Variants in UPF2 observed in about 807,000 individuals in gnomAD.
The protein encoded by UPF2 is regulator of nonsense transcripts 2.
Under a neutral mutation model 141.4 loss-of-function variants are expected in UPF2, and 17 were observed. That is an observed-to-expected ratio of 0.12 (90% CI 0.08 to 0.18). UPF2 has a LOEUF of 0.18. UPF2 is among the 10% of genes least tolerant of loss of function. The probability of loss-of-function intolerance (pLI) is 1.00; values close to 1 mark genes in which losing one functional copy is unlikely to be tolerated. For synonymous variants in UPF2, 540 were observed against 498.0 expected (o/e 1.08, Z -1.12); for missense variants, 1,152 against 1,515.9 (o/e 0.76, Z 3.99).
intron 16 of UPF2, among the ~76,000 whole-genome samples, chr10:11,943,498 A>C (rs1588530038): frequency 6.6e-6 from 1 of 152,212 alleles, no homozygotes; most frequent in African/African-American, 2.4e-5. Context: ...TGAATGTCTC[A>C]CAGTAGTTCT....
chr10:12,026,561 A>T, intron 3 of UPF2: 1 of 437,620 alleles, frequency 2.3e-6, no homozygotes, highest in Non-Finnish European at 4.5e-6. Flanking sequence ...CATCTGTGGT[A>T]AAGGGCCACC....
chr10:11,969,622 AC>A (rs2131211140), intron 9 of UPF2, among the ~76,000 whole-genome samples: 1 of 152,374 alleles, frequency 6.6e-6, no homozygotes, highest in East Asian at 1.9e-4. Context: ...AGAAAGAAGT[AC>A]AGCCTTCATA....
intron 8 of UPF2, among the ~76,000 whole-genome samples, chr10:11,989,030 TG>T (rs1235632125): frequency 1.2e-4 from 19 of 152,244 alleles, no homozygotes; most frequent in African/African-American, 4.6e-4. Flanking sequence ...GAAATGCACC[TG>T]GAAGTGAAGG....
chr10:12,040,244 A>C (rs954905642), intron 1 of UPF2, among the ~76,000 whole-genome samples: 11 of 152,072 alleles, frequency 7.2e-5, no homozygotes, highest in Admixed American at 5.2e-4. Context: ...CAACATGGTG[A>C]AACCCCATCT....
intron 14 of UPF2, among the ~76,000 whole-genome samples, chr10:11,954,037 G>GAGTT (rs1323824540): frequency 2.0e-5 from 3 of 152,186 alleles, no homozygotes; most frequent in Non-Finnish European, 4.4e-5. Flanking sequence ...ACTTGATAGT[G>GAGTT]AGTTGTTCAC....
Position 11,997,757 on chromosome 10 carries a change from C to T in UPF2, c.1759G>A (p.Ala587Thr), listed in dbSNP as rs1009590312. The change falls in exon 8 of 22, where the codon GCA becomes ACA. Residue 587 changes from alanine to threonine, a missense_variant and splice_region_variant. Around this residue, in one of 4 missense-constraint regions of UPF2, gnomAD observed 739 missense variants for 1,032.2 expected, o/e 0.72. Coordinates refer to ENST00000357604, the MANE Select transcript of UPF2 (RefSeq NM_015542.4). ...NCVNRDLIDKAAMDFCMNMNT... is the reference protein window; with the variant it reads ...NCVNRDLIDKTAMDFCMNMNT... ...ATGTTCATGCAAAAATCCATTGCTGCCTATTGGGAAAAAGTAAACTTTTTC... is the reference window on the plus strand; with the variant it reads ...ATGTTCATGCAAAAATCCATTGCTGTCTATTGGGAAAAAGTAAACTTTTTC... 11 of 1,613,596 alleles carry T rather than the reference C, an allele frequency of 6.8e-6. No individual in the cohort carries two copies. The highest frequency in any genetic ancestry group is 1.7e-5 in the Admixed American group (1 of 60,006).
chr10:12,021,925 C>T (rs1179727379), intron 3 of UPF2, among the ~76,000 whole-genome samples: 7 of 152,092 alleles, frequency 4.6e-5, no homozygotes, highest in Non-Finnish European at 1.0e-4. Context: ...GCGGGCGGAT[C>T]ACTTGAGGTC....
At chr10:11,934,809 T>A (rs540754826) in intron 19 of UPF2, among the ~76,000 whole-genome samples, 2 of 152,106 alleles carry the variant, frequency 1.3e-5, no homozygotes, top group Non-Finnish European at 2.9e-5. Context: ...AGGCTGGTCT[T>A]GAATCCCTGA....
chr10:12,036,624 T>C (rs1289035300), intron 1 of UPF2, among the ~76,000 whole-genome samples: 1 of 152,234 alleles, frequency 6.6e-6, no homozygotes, highest in African/African-American at 2.4e-5. Flanking sequence ...ATTCTGAATT[T>C]TTCTTTTCTA....
At chr10:12,025,032 G>A (rs1273210608) in intron 3 of UPF2, among the ~76,000 whole-genome samples, 1 of 151,294 alleles carries the variant, frequency 6.6e-6, no homozygotes, top group Non-Finnish European at 1.5e-5. Flanking sequence ...CCTTGCAGAA[G>A]GTAGGAAACT....
rs77920329 is a variant in UPF2 at position 11,930,307 on chromosome 10, T to C, written c.3689-322A>G. Among the ~76,000 whole-genome samples the C allele has an allele frequency of 7.4e-3, 1,124 of 152,254 alleles. 11 individuals are homozygous for C. Among genetic ancestry groups the C allele is most frequent in the African/African-American group, 0.025 (1,053 of 41,534 alleles). ...TGTGTAGAGCGAGACTACTGGTTAA[T>C]ATCCCAGCTCTGTCACTTTCTAGCT... On this transcript the variant is annotated intron_variant, in intron 20 of 21. Transcript: ENST00000357604.
chr10:11,968,627 T>C (rs562939487), intron 9 of UPF2, among the ~76,000 whole-genome samples: 1 of 152,346 alleles, frequency 6.6e-6, no homozygotes, highest in East Asian at 1.9e-4. Context: ...CATGGTTGTA[T>C]GTCAAAGTTT....
rs757007793 is a variant in UPF2 at position 11,943,020 on chromosome 10, A to C, written c.3279+44T>G. 7.1e-6 allele frequency: 10 copies of C among 1,404,224 alleles called. No homozygotes were observed. In the African/African-American group the frequency reaches 1.3e-4, roughly 18 times the overall value. The allele number at this position is 1,404,224 out of a possible 1,614,324, so 87.0% of individuals were successfully genotyped here. ...GTGACTAAAATTCAAATACTATAAA[A>C]ATGCTGCACAATTTCAAAAAGTAAA... On this transcript the variant is annotated intron_variant, in intron 17 of 21. Transcript: ENST00000357604.
At chr10:11,938,144 A>G (rs977094395) in intron 18 of UPF2, among the ~76,000 whole-genome samples, 3 of 152,152 alleles carry the variant, frequency 2.0e-5, no homozygotes, top group African/African-American at 7.2e-5. Context: ...TACTAATAAT[A>G]TATACATATA....
At chr10:12,007,082 C>T (rs533113663) in intron 4 of UPF2, among the ~76,000 whole-genome samples, 5 of 152,258 alleles carry the variant, frequency 3.3e-5, no homozygotes, top group African/African-American at 9.6e-5. Flanking sequence ...TATTTTGTTA[C>T]AGCAGCCTGA....
intron 16 of UPF2, 43 bp from the exon 17 acceptor site, chr10:11,943,211 T>C (rs77536640): frequency 0.068 from 99,293 of 1,461,996 alleles, 4,917 homozygotes; most frequent in East Asian, 0.22. Context: ...CTTTTCGAAG[T>C]GTAACCATAT....
chr10:12,001,269 C>T (rs1833947968), intron 6 of UPF2, among the ~76,000 whole-genome samples: 7 of 151,958 alleles, frequency 4.6e-5, no homozygotes, highest in Admixed American at 3.3e-4. Flanking sequence ...CAAAAATTAG[C>T]TGGGCATGGT....
intron 5 of UPF2, among the ~76,000 whole-genome samples, chr10:12,004,016 G>A (rs537972651): frequency 3.5e-4 from 53 of 151,874 alleles, no homozygotes; most frequent in African/African-American, 1.3e-3. Context: ...GGTGAGAGAG[G>A]ATGGGAGTTA....
chr10:11,975,667 C>A (rs1012028534), intron 9 of UPF2, among the ~76,000 whole-genome samples: 1 of 151,822 alleles, frequency 6.6e-6, no homozygotes, highest in Non-Finnish European at 1.5e-5. Context: ...TGCCACCACG[C>A]CCGGCTAATT....
Sources: gnomAD v4.1 joint callset for allele counts (sites outside exome capture counted in the v4.1 genomes callset) on GRCh38, gnomAD v4.1.1 for gene constraint, gnomAD v4.1.1 regional missense constraint, MANE v1.5 for transcripts, NCBI Gene and HGNC (gene_info 2026-07-23, HGNC 2026-07-21) for gene names.